The following ACSM4 variants were observed in gnomAD, a reference collection of about 807,000 sequenced individuals.
The protein encoded by ACSM4 is acyl-CoA synthetase medium chain family member 4, also known as acyl-coenzyme A synthetase ACSM4, mitochondrial.
ACSM4 carries 66 observed loss-of-function variants against 73.0 expected under a neutral mutation model. The ratio of observed to expected loss-of-function variants is 0.90; its 90% CI spans 0.74 to 1.11. The LOEUF (loss-of-function observed/expected upper bound fraction) is 1.11. ACSM4 is among the 50% of genes least tolerant of loss of function. ACSM4 has a pLI of 0.00. For synonymous variants in ACSM4, 222 were observed against 254.0 expected, an observed-to-expected ratio of 0.87 and a Z score of 1.20; for missense variants, 645 against 714.4, an observed-to-expected ratio of 0.90 and a Z score of 1.11.
chr12:7,304,298 T>A lies in ACSM4; in HGVS notation c.-34T>A. The stretch of plus-strand genomic sequence containing the variant: ...CTCCCTACAGGCTGTAGTACTTCTG[T>A]GTCCATAGCAGTAGACAAAGTCCTT... On this transcript the variant is annotated 5_prime_UTR_variant, in exon 1 of 13. Transcript: ENST00000399422. 1 of 1,596,680 alleles carries A rather than the reference T, an allele frequency of 6.3e-7. No homozygotes were observed. Among genetic ancestry groups the A allele is most frequent in the Non-Finnish European group, 8.6e-7 (1 of 1,164,588 alleles).
chr12:7,310,190 A>G lies in ACSM4; in HGVS notation c.413-349A>G, dbSNP rs149013444. Among the ~76,000 whole-genome samples, 339 of 152,338 alleles carry G rather than the reference A, an allele frequency of 2.2e-3. 1 individual carries two copies. Among genetic ancestry groups the G allele is most frequent in the African/African-American group, 7.7e-3 (321 of 41,572 alleles). On this transcript the variant is annotated intron_variant, in intron 2 of 12. Transcript: ENST00000399422. Reference sequence around the variant, plus strand: ...TACACAATAATGATTCAAACGTGACATTAAAATGTTACATAGTAATGGCCC... The same window carrying G: ...TACACAATAATGATTCAAACGTGACGTTAAAATGTTACATAGTAATGGCCC...
chr12:7,308,494 G>T (rs183432271), intron 2 of ACSM4, among the ~76,000 whole-genome samples: 57 of 152,262 alleles, frequency 3.7e-4, no homozygotes, highest in African/African-American at 1.3e-3. Flanking sequence ...TTGCTGTAAA[G>T]TGTATGCAGT....
rs187505842 is a variant in ACSM4, at chr12:7,326,814, T to C, written c.1537-162T>C. Among the ~76,000 whole-genome samples, 3 of 152,360 alleles carry C rather than the reference T, an allele frequency of 2.0e-5. No individual in the cohort carries two copies. In the East Asian group the frequency reaches 5.8e-4, roughly 29 times the overall value. On this transcript the variant is annotated intron_variant, in intron 11 of 12. Transcript: ENST00000399422. ...GAAAATATTCTGAAAAACCTCACTT[T>C]GTAATTGTATCCAAGCTTTGTTCAG...
intron 6 of ACSM4, among the ~76,000 whole-genome samples, 165 bp from the exon 7 acceptor site, chr12:7,322,252 AC>A (rs1485745784): frequency 7.2e-5 from 11 of 152,164 alleles, no homozygotes; most frequent in Non-Finnish European, 1.5e-4. Flanking sequence ...TATGCCTAGA[AC>A]AATGTCTGGC....
rs1946399004 is a variant in ACSM4, at chr12:7,312,815, T to C, written c.620+2069T>C. ...TATCTAGTAATTATAACTGCTATCA[T>C]TATTATTTTCAAGTTAACAAAGTCA... On this transcript the variant is annotated intron_variant, in intron 3 of 12. Transcript: ENST00000399422. 2.0e-5 allele frequency among the ~76,000 whole-genome samples: 3 copies of C among 152,198 alleles called. No homozygotes were observed. The South Asian group carries it at 6.2e-4, about 32-fold the overall frequency.
At chr12:7,318,974 G>A (rs1946440799) in intron 5 of ACSM4, among the ~76,000 whole-genome samples, 1 of 152,144 alleles carries the variant, frequency 6.6e-6, no homozygotes. Flanking sequence ...GGGGAGCGGG[G>A]AGATAATTTC....
intron 2 of ACSM4, among the ~76,000 whole-genome samples, chr12:7,307,697 G>A (rs894109567): frequency 6.6e-6 from 1 of 152,074 alleles, no homozygotes; most frequent in Non-Finnish European, 1.5e-5. Flanking sequence ...CTGTTGGTTG[G>A]GCATCTATTT....
chr12:7,305,788 A>T (rs760147029), intron 1 of ACSM4, among the ~76,000 whole-genome samples: 1 of 152,358 alleles, frequency 6.6e-6, no homozygotes, highest in East Asian at 1.9e-4. Flanking sequence ...ACAGGGCTTT[A>T]AAGTATTTGC....
rs375795494 is a variant in ACSM4, at chr12:7,308,143, G to C, written c.412+1400G>C. ...AGGATTTCATAATGCTGTTGAAGAT[G>C]ATCTTTCTGCCAATATTGAATAAAA... On this transcript the variant is annotated intron_variant, in intron 2 of 12. Coordinates refer to ENST00000399422, the MANE Select transcript of ACSM4 (RefSeq NM_001080454.2). Among the ~76,000 whole-genome samples the C allele has an allele frequency of 9.2e-5, 14 of 151,744 alleles. No individual in the cohort carries two copies. The East Asian group carries it at 2.5e-3, about 27-fold the overall frequency.
intron 3 of ACSM4, among the ~76,000 whole-genome samples, chr12:7,314,237 G>A (rs1442095708): frequency 1.3e-5 from 2 of 152,150 alleles, no homozygotes; most frequent in Admixed American, 6.5e-5. Context: ...GCCAGTAGAT[G>A]AGGTTAACAT....
rs1228140489 is a variant in ACSM4 at position 7,328,385 on chromosome 12, A to T, written c.*12A>T. On this transcript the variant is annotated 3_prime_UTR_variant, in exon 13 of 13. Coordinates refer to ENST00000399422, the MANE Select transcript of ACSM4 (RefSeq NM_001080454.2). The stretch of plus-strand genomic sequence containing the variant: ...GGAGAGGAAGATAGTTTGATAACAA[A>T]GCTGAAGGGTTAAGCAGTAATATGG... 1.1e-5 allele frequency: 18 copies of T among 1,566,492 alleles called. No individual in the cohort carries two copies. Among genetic ancestry groups the T allele is most frequent in the South Asian group, 4.7e-5 (4 of 85,042 alleles).
rs1157808928 is a variant in ACSM4 at position 7,310,729 on chromosome 12, C to T, written c.603C>T (p.Ser201=). 6.2e-7 allele frequency: 1 copy of T among 1,613,020 alleles called. No homozygotes were observed. The highest frequency in any genetic ancestry group is 8.5e-7 in the Non-Finnish European group (1 of 1,179,518). ...VSPQSWNGWL[S]FQELFQFASE... ...CACAAAGCTGGAATGGGTGGCTCAGCTTCCAGGAGTTATTTCAGTGAGTAT... is the reference window on the plus strand; with the variant it reads ...CACAAAGCTGGAATGGGTGGCTCAGTTTCCAGGAGTTATTTCAGTGAGTAT... Residue 201 remains serine (S), a synonymous_variant, in exon 3 of 13, where the codon AGC becomes AGT. Coordinates refer to ENST00000399422, the MANE Select transcript of ACSM4 (RefSeq NM_001080454.2).
intron 4 of ACSM4, 143 bp downstream of exon 4, chr12:7,317,423 G>A (rs73057799): frequency 0.19 from 220,374 of 1,170,292 alleles, 22,531 homozygotes; most frequent in Admixed American, 0.3. Context: ...TGCTGGCCCC[G>A]CCCAACCTAG....
chr12:7,306,785 G>A, intron 2 of ACSM4, 42 bp downstream of exon 2: 1 of 1,527,526 alleles, frequency 6.5e-7, no homozygotes, highest in Non-Finnish European at 8.9e-7. Context: ...CAAACACAGA[G>A]AGACTGAAAC....
intron 12 of ACSM4, among the ~76,000 whole-genome samples, chr12:7,327,882 A>G (rs1373698863): frequency 6.6e-6 from 1 of 152,174 alleles, no homozygotes; most frequent in Non-Finnish European, 1.5e-5. Context: ...GGAAAACTGT[A>G]TATACTCCAA....
At chr12:7,328,175 G>A (rs754488897) in intron 12 of ACSM4, 112 bp from the exon 13 acceptor site, 64 of 755,536 alleles carry the variant, frequency 8.5e-5, no homozygotes, top group Non-Finnish European at 1.3e-4. Flanking sequence ...CTTAGGCTAA[G>A]ATAATCTCGA....
At chr12:7,316,396 G>A (rs747823005) in intron 3 of ACSM4, among the ~76,000 whole-genome samples, 9 of 152,162 alleles carry the variant, frequency 5.9e-5, no homozygotes, top group Non-Finnish European at 8.8e-5. Context: ...GGGGAAGAAG[G>A]CTGCATCTCT....
intron 11 of ACSM4, 62 bp from the exon 12 acceptor site, chr12:7,326,914 T>C: frequency 6.7e-7 from 1 of 1,501,864 alleles, no homozygotes; most frequent in Non-Finnish European, 8.9e-7. Flanking sequence ...TCAGCATTTG[T>C]TGCAAATCCT....
chr12:7,315,773 C>T (rs1321471775), intron 3 of ACSM4, among the ~76,000 whole-genome samples: 1 of 152,068 alleles, frequency 6.6e-6, no homozygotes, highest in African/African-American at 2.4e-5. Context: ...GTCAGAAATT[C>T]GCACAGGGCT....
Sources: gnomAD v4.1 joint callset for allele counts (sites outside exome capture counted in the v4.1 genomes callset) on GRCh38, gnomAD v4.1.1 for gene constraint, MANE v1.5 for transcripts, NCBI Gene and HGNC (gene_info 2026-07-23, HGNC 2026-07-21) for gene names.